MDN1: variants seen among roughly 807,000 people sequenced by gnomAD.
MDN1 encodes midasin AAA ATPase 1.
A neutral mutation model predicts 669.2 loss-of-function variants in MDN1; 266 were observed. The observed-to-expected ratio is 0.40, with a 90% CI of 0.36 to 0.44. MDN1 has a LOEUF of 0.44. MDN1 is among the 20% of genes least tolerant of loss of function. MDN1 has a pLI of 1.00. For synonymous variants in MDN1, 2,385 were observed against 2,457.1 expected (o/e 0.97, Z 0.87); for missense variants, 5,940 against 6,754.0 (o/e 0.88, Z 4.22).
At chr6:89,649,207 CTG>C (rs1379851004) in intron 97 of MDN1, among the ~76,000 whole-genome samples, 2 of 152,178 alleles carry the variant, frequency 1.3e-5, no homozygotes, top group African/African-American at 4.8e-5. Flanking sequence ...CAGCAGCAAA[CTG>C]AGTGTTCTAC....
chr6:89,713,070 AC>A, intron 47 of MDN1, 77 bp downstream of exon 47: 1 of 1,500,448 alleles, frequency 6.7e-7, no homozygotes, highest in Non-Finnish European at 9.0e-7. Flanking sequence ...CTGGGTTGCC[AC>A]CTTTAAAAAT....
At chr6:89,802,544 G>A (rs868606334) in intron 2 of MDN1, among the ~76,000 whole-genome samples, 13 of 152,188 alleles carry the variant, frequency 8.5e-5, no homozygotes, top group South Asian at 4.2e-4. Flanking sequence ...TTAGCTGGGC[G>A]TGGTGGTGTG....
intron 23 of MDN1, 56 bp downstream of exon 23, chr6:89,751,375 T>C: frequency 6.3e-7 from 1 of 1,597,292 alleles, no homozygotes; most frequent in Non-Finnish European, 8.5e-7. Context: ...GACCAAAATG[T>C]CATCAATGCC....
At chr6:89,788,015 C>CA in intron 7 of MDN1, 58 bp from the exon 8 acceptor site, 1 of 1,379,848 alleles carries the variant, frequency 7.2e-7, no homozygotes, top group Non-Finnish European at 1.0e-6. Context: ...CAGAAATAAT[C>CA]AAAACAAAAC....
At chr6:89,747,508 C>G (rs1816696856) in intron 26 of MDN1, 38 bp from the exon 27 acceptor site, 1 of 1,594,738 alleles carries the variant, frequency 6.3e-7, no homozygotes, top group African/African-American at 1.4e-5. Context: ...GGGGCATCAG[C>G]TGCAATGCAT....
At chr6:89,678,769 A>T in intron 74 of MDN1, 24 bp from the exon 75 acceptor site, 1 of 1,596,812 alleles carries the variant, frequency 6.3e-7, no homozygotes, top group Non-Finnish European at 8.5e-7. Context: ...CAAGGCGGGG[A>T]GGGGAGACAA....
intron 59 of MDN1, among the ~76,000 whole-genome samples, chr6:89,696,995 T>C (rs1812800902): frequency 6.6e-6 from 1 of 152,218 alleles, no homozygotes. Flanking sequence ...AGCAAAGGGT[T>C]GTCAAAGGGT....
chr6:89,806,198 A>C (rs569443233), intron 1 of MDN1, among the ~76,000 whole-genome samples: 1 of 152,246 alleles, frequency 6.6e-6, no homozygotes, highest in East Asian at 1.9e-4. Flanking sequence ...TTGGCCTCTC[A>C]AAGTGCTGGG....
Position 89,732,586 on chromosome 6 carries a change from C to A in MDN1, c.4913G>T (p.Cys1638Phe), listed in dbSNP as rs1159873337. 3 of 1,614,166 alleles carry A rather than the reference C, an allele frequency of 1.9e-6. No individual in the cohort carries two copies. Among genetic ancestry groups the A allele is most frequent in the Non-Finnish European group, 1.7e-6 (2 of 1,180,030 alleles). ...ACCTATTCCATCTATGTACACCAGG[C>A]ATGCAGCATGGACAAAAGATGTCAC... ...STVTSFVHAACLVYIDGIGSG... is the reference protein window; with the variant it reads ...STVTSFVHAAFLVYIDGIGSG... The change falls in exon 34 of 102, where the codon TGC (cysteine) becomes TTC (phenylalanine). Residue 1638 changes from cysteine to phenylalanine, a missense_variant. By Grantham distance (205) the Cys-to-Phe change is radical. This residue lies in a region of MDN1 where 2,292 missense variants were observed against 2,638.3 expected (regional missense o/e 0.87). Coordinates refer to ENST00000369393, the MANE Select transcript of MDN1 (RefSeq NM_014611.3).
chr6:89,726,491 AAAAAAG>A (rs1815248416), intron 37 of MDN1, among the ~76,000 whole-genome samples: 1 of 151,646 alleles, frequency 6.6e-6, no homozygotes, highest in Admixed American at 6.6e-5. Context: ...AGAAAAAAAA[AAAAAAG>A]AAAAGAAAAA....
chr6:89,680,144 G>A lies in MDN1; in HGVS notation c.12265+445C>T, dbSNP rs1428361710. Among the ~76,000 whole-genome samples the A allele has an allele frequency of 2.0e-5, 3 of 152,108 alleles. No homozygotes were observed. The East Asian group carries it at 5.8e-4, about 30-fold the overall frequency. ...TGCTGTGTTACACTATGAGATCTTC[G>A]CTCTCACCTTCCCTGAGCAAAGACA... On this transcript the variant is annotated intron_variant, in intron 74 of 101. Transcript: ENST00000369393.
chr6:89,809,594 A>G (rs1464060868), intron 1 of MDN1, among the ~76,000 whole-genome samples: 1 of 151,634 alleles, frequency 6.6e-6, no homozygotes, highest in East Asian at 1.9e-4. Flanking sequence ...TGACCAACAT[A>G]GCGAAACCCC....
Position 89,745,736 on chromosome 6 carries a change from G to A in MDN1, c.3905-110C>T, listed in dbSNP as rs186660773. 393 of 1,092,130 alleles carry A rather than the reference G, an allele frequency of 3.6e-4. No individual in the cohort carries two copies. In the African/African-American group the frequency reaches 5.8e-3, roughly 16 times the overall value. 67.7% of individuals were successfully genotyped at this position (1,092,130 alleles called of 1,614,324 possible). ...AGAAACTCTCATACGCGGCTGGTGA[G>A]GTAGAAATCTGAAGAACTAGGACAG... On this transcript the variant is annotated intron_variant, in intron 27 of 101. Coordinates refer to ENST00000369393, the MANE Select transcript of MDN1 (RefSeq NM_014611.3).
At position 89,718,383 on chromosome 6, in the gene MDN1, T is replaced by C. The variant is rs1400840910; in HGVS notation, c.6566A>G (p.Asn2189Ser). ...ATACATACCTGCCTTGCAGTATGAG[T>C]TGATTTTATTGTTGAGTCGCTGCAT... Reference protein sequence around the residue: ...LLMQRLNNKINSYCKAEFAKL... With the variant: ...LLMQRLNNKISSYCKAEFAKL... The change falls in exon 43 of 102, where the codon AAC (asparagine) becomes AGC (serine). Residue 2189 changes from asparagine (N) to serine (S), a missense_variant. This residue lies in a region of MDN1 where 2,292 missense variants were observed against 2,638.3 expected (regional missense o/e 0.87). Coordinates refer to ENST00000369393, the MANE Select transcript of MDN1 (RefSeq NM_014611.3). 1 of 1,613,838 alleles carries C rather than the reference T, an allele frequency of 6.2e-7. No homozygotes were observed. The highest frequency in any genetic ancestry group is 8.5e-7 in the Non-Finnish European group (1 of 1,179,990).
intron 97 of MDN1, among the ~76,000 whole-genome samples, chr6:89,648,813 C>CAAAAAAAAAAA (rs61330666): frequency 4.9e-5 from 6 of 122,130 alleles, no homozygotes; most frequent in African/African-American, 1.9e-4. Context: ...ACCCTGTCTT[C>CAAAAAAAAAAA]AAAAAAAAAA....
chr6:89,783,725 AT>A (rs1030310556), intron 9 of MDN1, among the ~76,000 whole-genome samples: 2 of 152,114 alleles, frequency 1.3e-5, no homozygotes, highest in African/African-American at 4.8e-5. Flanking sequence ...CCAATATGTG[AT>A]GCCACCCCAG....
At chr6:89,802,721 T>C (rs1247614196) in intron 2 of MDN1, among the ~76,000 whole-genome samples, 3 of 152,086 alleles carry the variant, frequency 2.0e-5, no homozygotes, top group Admixed American at 1.3e-4. Context: ...AGAAATGTCC[T>C]ATTGGTACAC....
chr6:89,708,994 A>AC (rs1176425963), intron 50 of MDN1, among the ~76,000 whole-genome samples: 1 of 151,452 alleles, frequency 6.6e-6, no homozygotes, highest in African/African-American at 2.4e-5. Context: ...AAAAAAAAAA[A>AC]ATACGTACAT....
intron 38 of MDN1, among the ~76,000 whole-genome samples, chr6:89,724,195 T>TA (rs1320413717): frequency 6.6e-6 from 1 of 152,222 alleles, no homozygotes; most frequent in Non-Finnish European, 1.5e-5. Context: ...ATGTATAATG[T>TA]AAAATGCTTT....
Sources: gnomAD v4.1 joint callset for allele counts (sites outside exome capture counted in the v4.1 genomes callset) on GRCh38, gnomAD v4.1.1 for gene constraint, gnomAD v4.1.1 regional missense constraint, MANE v1.5 for transcripts, NCBI Gene and HGNC (gene_info 2026-07-23, HGNC 2026-07-21) for gene names.